PIEZO2: variants seen among roughly 807,000 people sequenced by gnomAD.
PIEZO2 encodes piezo type mechanosensitive ion channel component 2, also known as piezo-type mechanosensitive ion channel component 2.
PIEZO2 carries 172 observed loss-of-function variants against 337.3 expected under a neutral mutation model. The observed-to-expected ratio is 0.51, with a 90% CI of 0.45 to 0.58. The LOEUF (loss-of-function observed/expected upper bound fraction) is 0.58, where lower values mean the gene tolerates loss of function less well. Among genes scored for constraint, PIEZO2 ranks in the 20% least tolerant of loss-of-function variants. PIEZO2 has a pLI of 0.00. For synonymous variants in PIEZO2, 1,251 were observed against 1,228.5 expected, an observed-to-expected ratio of 1.02 and a Z score of -0.38; for missense variants, 3,028 against 3,391.3, an observed-to-expected ratio of 0.89 and a Z score of 2.66.
At chr18:10,711,582 C>T (rs1045342031) in intron 39 of PIEZO2, among the ~76,000 whole-genome samples, 6 of 151,142 alleles carry the variant, frequency 4.0e-5, no homozygotes, top group African/African-American at 1.5e-4. Flanking sequence ...ATTCATTACC[C>T]ATTTCGCTTG....
chr18:10,704,259 T>G, intron 42 of PIEZO2, 135 bp downstream of exon 42: 1 of 1,183,154 alleles, frequency 8.5e-7, no homozygotes, highest in Non-Finnish European at 1.2e-6. Flanking sequence ...AGAATGTCTG[T>G]GGAACTGCAT....
chr18:11,130,154 G>A (rs1336292189), intron 1 of PIEZO2, among the ~76,000 whole-genome samples: 1 of 152,234 alleles, frequency 6.6e-6, no homozygotes, highest in Admixed American at 6.5e-5. Flanking sequence ...TGCAGAGGTG[G>A]TGATTCCCAC....
chr18:11,019,060 G>T (rs1325063823), intron 2 of PIEZO2, among the ~76,000 whole-genome samples: 1 of 152,072 alleles, frequency 6.6e-6, no homozygotes, highest in African/African-American at 2.4e-5. Context: ...AAACCCTGCT[G>T]GTTCTTACCT....
chr18:10,815,700 C>T lies in PIEZO2; in HGVS notation c.918-8426G>A, dbSNP rs1683369. Among the ~76,000 whole-genome samples the T allele has an allele frequency of 0.41, 62,847 of 151,862 alleles. 13,302 individuals are homozygous for T. The highest frequency in any genetic ancestry group is 0.5 in the African/African-American group (20,716 of 41,422). On this transcript the variant is annotated intron_variant, in intron 7 of 55. Transcript: ENST00000674853. The surrounding 1 kb of genome is among the most constrained non-coding windows in gnomAD (Gnocchi z 4.1). ...CCTAGATAATATTTGGGAGTGCTCT[C>T]ACTCAGGAACAAGAGAAGAAGGAGA...
intron 4 of PIEZO2, among the ~76,000 whole-genome samples, chr18:10,892,176 A>G (rs1235616112): frequency 6.6e-6 from 1 of 152,222 alleles, no homozygotes; most frequent in Admixed American, 6.5e-5. Flanking sequence ...CAATCAGCAG[A>G]TAACTGATTA....
At chr18:10,806,988 C>A (rs528842214) in intron 8 of PIEZO2, 124 bp downstream of exon 8, 1 of 1,002,058 alleles carries the variant, frequency 1.0e-6, no homozygotes, top group East Asian at 2.6e-5. Flanking sequence ...ACATCATACC[C>A]AGAACACTAG....
Position 10,819,252 on chromosome 18 carries a change from C to T in PIEZO2, c.918-11978G>A, listed in dbSNP as rs1298934345. On this transcript the variant is annotated intron_variant, in intron 7 of 55. Coordinates refer to ENST00000674853, the MANE Select transcript of PIEZO2 (RefSeq NM_001378183.1). This position sits in a 1 kb window ranked among gnomAD's most constrained non-coding sequence, Gnocchi z 4.3. ...AAACTGGAGGCATTTGTATGATATA[C>T]AGTTAAATATTTATAAATGGTATAC... Among the ~76,000 whole-genome samples, 1 of 152,028 alleles carries T rather than the reference C, an allele frequency of 6.6e-6. No homozygotes were observed. Among genetic ancestry groups the T allele is most frequent in the East Asian group, 1.9e-4 (1 of 5,194 alleles).
At position 10,894,692 on chromosome 18, in the gene PIEZO2, A is replaced by T. The variant is rs1349500101; in HGVS notation, c.329+16494T>A. 1 of 152,262 alleles carries T rather than the reference A, an allele frequency of 6.6e-6. No homozygotes were observed. The highest frequency in any genetic ancestry group is 1.5e-5 in the Non-Finnish European group (1 of 68,060). The allele number at this position is 152,262 out of a possible 1,614,324, so 9.4% of individuals were successfully genotyped here. A position where few individuals can be genotyped will look rare whatever the true frequency, so the allele number is the denominator to read the frequency against. The stretch of plus-strand genomic sequence containing the variant: ...ATGCCAACGCATAAAACCCCAAGTC[A>T]AAAGCTCAAACCACACATCTGTCCT... On this transcript the variant is annotated intron_variant, in intron 4 of 55. Coordinates refer to ENST00000674853, the MANE Select transcript of PIEZO2 (RefSeq NM_001378183.1). This position sits in a 1 kb window ranked among gnomAD's most constrained non-coding sequence, Gnocchi z 4.1.
intron 7 of PIEZO2, among the ~76,000 whole-genome samples, chr18:10,811,076 A>G (rs1409475697): frequency 6.6e-6 from 1 of 152,122 alleles, no homozygotes; most frequent in African/African-American, 2.4e-5. Context: ...CAGGCCTGAT[A>G]TTCCTTATAG....
At chr18:10,843,085 A>G (rs540098193) in intron 7 of PIEZO2, among the ~76,000 whole-genome samples, 6 of 152,342 alleles carry the variant, frequency 3.9e-5, no homozygotes, top group Admixed American at 3.9e-4. Flanking sequence ...ATATCTTGGT[A>G]TATTTATTCT....
At chr18:11,049,798 C>T (rs1355550623) in intron 2 of PIEZO2, among the ~76,000 whole-genome samples, 2 of 152,150 alleles carry the variant, frequency 1.3e-5, no homozygotes, top group African/African-American at 4.8e-5. Context: ...GTGAGGCCTC[C>T]CCAGCCACGT....
At position 10,861,237 on chromosome 18, in the gene PIEZO2, A is replaced by C. The variant is rs1432201134; in HGVS notation, c.493-4026T>G. Among the ~76,000 whole-genome samples, 4 of 152,240 alleles carry C rather than the reference A, an allele frequency of 2.6e-5. No homozygotes were observed. The East Asian group carries it at 7.7e-4, about 29-fold the overall frequency. ...CAATCTGGCCTTGAGGCTAAGGAGGAGGAAAGGCTGTAAATAAAGATTTAA... is the reference window on the plus strand; with the variant it reads ...CAATCTGGCCTTGAGGCTAAGGAGGCGGAAAGGCTGTAAATAAAGATTTAA... On this transcript the variant is annotated intron_variant, in intron 5 of 55. Coordinates refer to ENST00000674853, the MANE Select transcript of PIEZO2 (RefSeq NM_001378183.1). This position sits in a 1 kb window ranked among gnomAD's most constrained non-coding sequence, Gnocchi z 4.3.
chr18:11,109,803 T>A lies in PIEZO2; in HGVS notation c.64+38722A>T, dbSNP rs767574553. 2.8e-4 allele frequency among the ~76,000 whole-genome samples: 42 copies of A among 152,244 alleles called. No individual in the cohort carries two copies. Among genetic ancestry groups the A allele is most frequent in the Admixed American group, 1.6e-3 (24 of 15,288 alleles). Reference sequence around the variant, plus strand: ...TTGTCTATTCTGGATACAAGTGAGATGCTGAAATCTTAGATATACAGATTT... The same window carrying A: ...TTGTCTATTCTGGATACAAGTGAGAAGCTGAAATCTTAGATATACAGATTT... On this transcript the variant is annotated intron_variant, in intron 1 of 55. Transcript: ENST00000674853. The surrounding 1 kb of genome is among the most constrained non-coding windows in gnomAD (Gnocchi z 5.1).
intron 21 of PIEZO2, chr18:10,769,877 G>A (rs970639037): frequency 2.3e-5 from 7 of 310,606 alleles, no homozygotes; most frequent in Non-Finnish European, 4.1e-5. Context: ...CAGAAGGGCA[G>A]CCTGCTCTCA....
At position 10,856,943 on chromosome 18, in the gene PIEZO2, T is replaced by C; in HGVS notation, c.703+58A>G. The C allele has an allele frequency of 7.0e-7, 1 of 1,419,738 alleles. No homozygotes were observed. Among genetic ancestry groups the C allele is most frequent in the Non-Finnish European group, 9.6e-7 (1 of 1,042,592 alleles). The allele number at this position is 1,419,738 out of a possible 1,614,324, so 87.9% of individuals were successfully genotyped here. ...ATTTCTTCTTCAACCATTTCTCTCA[T>C]TCACCAAAGCACTGCTTGTGCCTTT... On this transcript the variant is annotated intron_variant, in intron 6 of 55. Transcript: ENST00000674853. The surrounding 1 kb of genome is among the most constrained non-coding windows in gnomAD (Gnocchi z 4.7).
intron 3 of PIEZO2, among the ~76,000 whole-genome samples, chr18:10,960,949 C>A (rs1012478565): frequency 5.3e-5 from 8 of 151,992 alleles, no homozygotes; most frequent in African/African-American, 1.9e-4. Flanking sequence ...GAGGCTGAGG[C>A]GGGCGGATCA....
At chr18:11,137,511 C>T (rs1035524952) in intron 1 of PIEZO2, among the ~76,000 whole-genome samples, 1 of 152,208 alleles carries the variant, frequency 6.6e-6, no homozygotes, top group African/African-American at 2.4e-5. Context: ...TGTAACTTGG[C>T]AAAGTCGCAT....
At chr18:10,995,083 A>AAAAAAAAAGAAAGG (rs1555689868) in intron 2 of PIEZO2, among the ~76,000 whole-genome samples, 1 of 59,816 alleles carries the variant, frequency 1.7e-5, no homozygotes, top group Non-Finnish European at 3.9e-5. Context: ...GTCTCAAAAA[A>AAAAAAAAAGAAAGG]AAAAAAAAAA....
intron 5 of PIEZO2, among the ~76,000 whole-genome samples, chr18:10,858,387 A>G (rs891932419): frequency 6.6e-6 from 1 of 150,920 alleles, no homozygotes; most frequent in African/African-American, 2.4e-5. Context: ...TAAAGCCATC[A>G]CCTTAAGGCA....
Sources: allele counts gnomAD v4.1 joint callset (sites outside exome capture counted in the v4.1 genomes callset), GRCh38; gene constraint gnomAD v4.1.1; non-coding constraint Gnocchi (gnomAD v3.1); transcripts MANE v1.5; gene names NCBI Gene and HGNC (gene_info 2026-07-23, HGNC 2026-07-21).